Variants in HSD17B12 observed in about 807,000 individuals in gnomAD.
The protein encoded by HSD17B12 is hydroxysteroid 17-beta dehydrogenase 12.
Under a neutral mutation model 39.3 loss-of-function variants are expected in HSD17B12, and 32 were observed. The ratio of observed to expected loss-of-function variants is 0.81; its 90% CI spans 0.61 to 1.09. The LOEUF is 1.09. Ranked by LOEUF, HSD17B12 falls within the 50% of genes least tolerant of loss-of-function variation. The pLI is 0.00. For synonymous variants in HSD17B12, 150 were observed against 146.7 expected (o/e 1.02, Z -0.16); for missense variants, 342 against 382.9 (o/e 0.89, Z 0.89).
chr11:43,702,414 A>G (rs1173653912), intron 1 of HSD17B12, among the ~76,000 whole-genome samples: 3 of 152,222 alleles, frequency 2.0e-5, no homozygotes, highest in African/African-American at 7.2e-5. Context: ...TCCAGATCTT[A>G]GAGGAAAGGT....
At chr11:43,766,931 C>T (rs1256008512) in intron 3 of HSD17B12, among the ~76,000 whole-genome samples, 1 of 151,950 alleles carries the variant, frequency 6.6e-6, no homozygotes, top group Non-Finnish European at 1.5e-5. Flanking sequence ...TAGAGAAAAA[C>T]ATCTGTAATA....
At chr11:43,568,987 C>T in the HSD17B12 span, among the ~76,000 whole-genome samples, 1 of 152,298 alleles carries the variant, frequency 6.6e-6, no homozygotes, top group Non-Finnish European at 1.5e-5. Context: ...ATATCTAGGT[C>T]CCTGAGAGAA....
chr11:43,649,184 T>C, the HSD17B12 span, among the ~76,000 whole-genome samples: 589 of 152,094 alleles, frequency 3.9e-3, 4 homozygotes, highest in African/African-American at 0.014. Flanking sequence ...GGGCCCATTG[T>C]AGTAGAGGGT....
At chr11:43,784,229 A>G (rs1489686692) in intron 3 of HSD17B12, among the ~76,000 whole-genome samples, 2 of 152,002 alleles carry the variant, frequency 1.3e-5, no homozygotes, top group Non-Finnish European at 2.9e-5. Flanking sequence ...AACAGAACAG[A>G]AAGTTTTGCA....
intron 3 of HSD17B12, among the ~76,000 whole-genome samples, chr11:43,769,977 T>C (rs1950633660): frequency 6.6e-6 from 1 of 152,204 alleles, no homozygotes; most frequent in Non-Finnish European, 1.5e-5. Flanking sequence ...ATTGCTTCCT[T>C]CCAACAAAGG....
chr11:43,841,377 CAA>C (rs962492190), intron 9 of HSD17B12, among the ~76,000 whole-genome samples: 1 of 152,136 alleles, frequency 6.6e-6, no homozygotes, highest in African/African-American at 2.4e-5. Context: ...TTTTTATTCA[CAA>C]AAGTTTTTAA....
chr11:43,805,921 C>T (rs906257068), intron 4 of HSD17B12, among the ~76,000 whole-genome samples: 3 of 152,038 alleles, frequency 2.0e-5, no homozygotes, highest in Non-Finnish European at 4.4e-5. Context: ...TTAGCTAGAG[C>T]GATTCATGGA....
chr11:43,616,432 A>AAAAAAAAAAAAAAAAAAC, the HSD17B12 span, among the ~76,000 whole-genome samples: 1 of 150,826 alleles, frequency 6.6e-6, no homozygotes, highest in Non-Finnish European at 1.5e-5. Context: ...AAACAAAAAA[A>AAAAAAAAAAAAAAAAAAC]AAACAAACAA....
At chr11:43,657,943 G>C in the HSD17B12 span, among the ~76,000 whole-genome samples, 153 of 152,212 alleles carry the variant, frequency 1.0e-3, no homozygotes, top group Non-Finnish European at 1.9e-3. Flanking sequence ...ATGTTGGCCT[G>C]CCTTGCCAGA....
At chr11:43,819,534 C>T (rs1951161674) in intron 6 of HSD17B12, among the ~76,000 whole-genome samples, 1 of 152,140 alleles carries the variant, frequency 6.6e-6, no homozygotes, top group Admixed American at 6.5e-5. Context: ...CATGAAGTAA[C>T]TTTCAGTGTT....
chr11:43,557,238 TGGTTTGG>T, the HSD17B12 span, among the ~76,000 whole-genome samples: 1 of 152,102 alleles, frequency 6.6e-6, no homozygotes, highest in Non-Finnish European at 1.5e-5. Context: ...TAGTGTTCTG[TGGTTTGG>T]GGGTGGAGGG....
chr11:43,750,746 C>T (rs1590718107), intron 1 of HSD17B12, among the ~76,000 whole-genome samples, 165 bp from the exon 2 acceptor site: 1 of 152,126 alleles, frequency 6.6e-6, no homozygotes, highest in African/African-American at 2.4e-5. Context: ...AAAATTTTAG[C>T]TATTGCGGTG....
chr11:43,733,881 A>T, intron 1 of HSD17B12: 1 of 681,402 alleles, frequency 1.5e-6, no homozygotes, highest in South Asian at 1.4e-5. Context: ...TCTTTGACCA[A>T]TTCCATGGAG....
At chr11:43,673,317 G>A in the HSD17B12 span, 25,015 of 151,910 alleles carry the variant, frequency 0.16, 2,401 homozygotes, top group Middle Eastern at 0.25. Flanking sequence ...ATACAATATT[G>A]TTGCTTCATT....
chr11:43,734,583 G>T, intron 1 of HSD17B12: 1 of 421,958 alleles, frequency 2.4e-6, no homozygotes. Context: ...CACCCTGCCT[G>T]CATCTTCACG....
the HSD17B12 span, among the ~76,000 whole-genome samples, chr11:43,637,873 A>T: frequency 6.6e-6 from 1 of 152,134 alleles, no homozygotes; most frequent in East Asian, 1.9e-4. Context: ...GTGGATGGGG[A>T]GGGGTTATAT....
chr11:43,756,675 A>G (rs1166518905), intron 3 of HSD17B12, among the ~76,000 whole-genome samples: 1 of 152,346 alleles, frequency 6.6e-6, no homozygotes, highest in African/African-American at 2.4e-5. Context: ...TTGAAATGCT[A>G]TGATATGAAT....
At chr11:43,565,537 G>T in the HSD17B12 span, among the ~76,000 whole-genome samples, 1 of 152,142 alleles carries the variant, frequency 6.6e-6, no homozygotes, top group Admixed American at 6.5e-5. Flanking sequence ...TGGAGTTATG[G>T]CTTATAGCTA....
chr11:43,616,829 G>A, the HSD17B12 span, among the ~76,000 whole-genome samples: 3 of 145,934 alleles, frequency 2.1e-5, no homozygotes, highest in Middle Eastern at 3.5e-3. Context: ...AAAAATACCC[G>A]GGAATGGTGG....
Sources: allele counts gnomAD v4.1 joint callset (sites outside exome capture counted in the v4.1 genomes callset), GRCh38; gene constraint gnomAD v4.1.1; transcripts MANE v1.5; gene names NCBI Gene and HGNC (gene_info 2026-07-23, HGNC 2026-07-21).